PRR14L: variants seen among roughly 807,000 people sequenced by gnomAD.
The protein encoded by PRR14L is proline rich 14 like.
A neutral mutation model predicts 155.0 loss-of-function variants in PRR14L; 80 were observed. The ratio of observed to expected loss-of-function variants is 0.52; its 90% CI spans 0.43 to 0.62. The LOEUF is 0.62. Ranked by LOEUF, PRR14L falls within the 20% of genes least tolerant of loss-of-function variation. The pLI is 0.00. For synonymous variants in PRR14L, 883 were observed against 916.0 expected (o/e 0.96, Z 0.65); for missense variants, 2,469 against 2,548.0 (o/e 0.97, Z 0.67).
chr22:31,713,634 T>C lies in PRR14L; in HGVS notation c.4205A>G (p.Glu1402Gly), dbSNP rs1395696784. 2.4e-5 allele frequency: 38 copies of C among 1,551,966 alleles called. No homozygotes were observed. Among genetic ancestry groups the C allele is most frequent in the Non-Finnish European group, 3.2e-5 (37 of 1,147,060 alleles). The change falls in exon 4 of 9, where the codon GAA becomes GGA. Residue 1402 changes from glutamate (E) to glycine (G), a missense_variant. Coordinates refer to ENST00000327423, the MANE Select transcript of PRR14L (RefSeq NM_173566.3). ...TTTTTGTTGACGTATATATTTCTCT[T>C]CTTTCTGCAACATGTAGTCCAAAAC... ...PEVLDYMLQK[E>G]EKYIRQQKAH...
chr22:31,730,626 C>T (rs1238478711), intron 2 of PRR14L, among the ~76,000 whole-genome samples: 1 of 152,178 alleles, frequency 6.6e-6, no homozygotes, highest in African/African-American at 2.4e-5. Flanking sequence ...TGTGAAGTTA[C>T]TATTCCACCT....
chr22:31,719,413 C>G (rs1215981221), intron 3 of PRR14L, among the ~76,000 whole-genome samples: 1 of 137,686 alleles, frequency 7.3e-6, no homozygotes, highest in South Asian at 2.3e-4. Context: ...GACCTTGTCT[C>G]AAAAAAAAGA....
In PRR14L at chr22:31,703,293, G is replaced by A. The variant is rs540740247; in HGVS notation, c.6000+257C>T. Among the ~76,000 whole-genome samples, 8 of 152,228 alleles carry A rather than the reference G, an allele frequency of 5.3e-5. No homozygotes were observed. In the South Asian group the frequency reaches 1.2e-3, roughly 24 times the overall value. On this transcript the variant is annotated intron_variant, in intron 6 of 8. Transcript: ENST00000327423. ...TTTGAATGCACAAAGCAGCTCTTTCGTCCAATTCTCTAAACACTGTTACAT... is the reference window on the plus strand; with the variant it reads ...TTTGAATGCACAAAGCAGCTCTTTCATCCAATTCTCTAAACACTGTTACAT...
At chr22:31,706,056 C>T (rs1022576655) in intron 4 of PRR14L, among the ~76,000 whole-genome samples, 4 of 150,240 alleles carry the variant, frequency 2.7e-5, no homozygotes, top group South Asian at 2.1e-4. Flanking sequence ...AATGGCCAAT[C>T]GTAGTGACTC....
intron 2 of PRR14L, among the ~76,000 whole-genome samples, chr22:31,733,732 T>C (rs1439394633): frequency 6.6e-6 from 1 of 152,174 alleles, no homozygotes; most frequent in Admixed American, 6.6e-5. Context: ...GAATGTCTGT[T>C]TCCTCATAGC....
chr22:31,728,611 A>G (rs998829297), intron 2 of PRR14L, among the ~76,000 whole-genome samples: 1 of 149,420 alleles, frequency 6.7e-6, no homozygotes, highest in Non-Finnish European at 1.5e-5. Flanking sequence ...TTCATCTCGA[A>G]AAAAAAAAAA....
At chr22:31,690,481 G>C (rs1029340495) in intron 7 of PRR14L, among the ~76,000 whole-genome samples, 4 of 152,040 alleles carry the variant, frequency 2.6e-5, no homozygotes, top group African/African-American at 9.7e-5. Context: ...CACTGTGACT[G>C]GCCTATTTTT....
At chr22:31,726,697 C>T (rs1372861940) in intron 2 of PRR14L, among the ~76,000 whole-genome samples, 7 of 152,144 alleles carry the variant, frequency 4.6e-5, no homozygotes, top group Non-Finnish European at 1.0e-4. Context: ...TTCAAGTTAA[C>T]ACTTCATGGA....
At chr22:31,690,129 C>G (rs766449570) in intron 7 of PRR14L, among the ~76,000 whole-genome samples, 1 of 152,178 alleles carries the variant, frequency 6.6e-6, no homozygotes, top group Admixed American at 6.6e-5. Context: ...ATTGGCCAGA[C>G]TGGTCTCGAA....
intron 7 of PRR14L, 60 bp downstream of exon 7, chr22:31,701,596 T>C: frequency 9.6e-7 from 1 of 1,038,096 alleles, no homozygotes; most frequent in Non-Finnish European, 1.5e-6. Flanking sequence ...AGGGCAATTA[T>C]ATTATGACAA....
intron 2 of PRR14L, among the ~76,000 whole-genome samples, chr22:31,731,029 T>C (rs1469288063): frequency 2.0e-5 from 3 of 152,182 alleles, no homozygotes; most frequent in Admixed American, 1.3e-4. Flanking sequence ...GGCTGCTGTG[T>C]CCTTCTGATA....
Position 31,714,515 on chromosome 22 carries a change from T to C in PRR14L, c.3324A>G (p.Thr1108=). 1 of 1,552,206 alleles carries C rather than the reference T, an allele frequency of 6.4e-7. No individual in the cohort carries two copies. The highest frequency in any genetic ancestry group is 8.7e-7 in the Non-Finnish European group (1 of 1,147,094). ...CTGGGAAATCTGAATCCTGACCAGT[T>C]GTTCCTGTATGTGCAGCATCCAGTT... ...RRELDAAHTG[T]TGQDSDFPVT... is the part of the protein sequence containing the mutation. The change falls in exon 4 of 9, where the codon ACA becomes ACG. Residue 1108 remains threonine (T), a synonymous_variant. Transcript: ENST00000327423.
intron 1 of PRR14L, among the ~76,000 whole-genome samples, chr22:31,739,781 C>T (rs553975371): frequency 8.5e-5 from 13 of 152,320 alleles, no homozygotes; most frequent in East Asian, 1.9e-4. Context: ...ATGGAAGTAA[C>T]AGGTTATTTG....
intron 3 of PRR14L, among the ~76,000 whole-genome samples, chr22:31,723,912 G>C (rs2074703642): frequency 6.6e-6 from 1 of 152,206 alleles, no homozygotes; most frequent in Non-Finnish European, 1.5e-5. Flanking sequence ...GTTAGAAATC[G>C]GGCGGCACAG....
At chr22:31,737,127 C>G (rs1351910495) in intron 2 of PRR14L, among the ~76,000 whole-genome samples, 1 of 151,784 alleles carries the variant, frequency 6.6e-6, no homozygotes, top group Non-Finnish European at 1.5e-5. Flanking sequence ...TTTGCTGACC[C>G]CTGGGTTAGA....
chr22:31,725,599 C>T lies in PRR14L; in HGVS notation c.486G>A (p.Leu162=). The change falls in exon 3 of 9, where the codon CTG becomes CTA. Residue 162 remains leucine, a synonymous_variant. Transcript: ENST00000327423. ...GTGAAAGTTCTTTGCTGGACTGCATCAGGAGATCCTCCTACAGTAAGAAAA... is the reference window on the plus strand; with the variant it reads ...GTGAAAGTTCTTTGCTGGACTGCATTAGGAGATCCTCCTACAGTAAGAAAA... ...EKTSPSQEDL[L]MQSSKELSHV... is the part of the protein sequence containing the mutation. 6.5e-7 allele frequency: 1 copy of T among 1,549,808 alleles called. No homozygotes were observed. The highest frequency in any genetic ancestry group is 8.7e-7 in the Non-Finnish European group (1 of 1,145,308).
intron 4 of PRR14L, among the ~76,000 whole-genome samples, chr22:31,709,539 T>G (rs2074609928): frequency 7.3e-6 from 1 of 137,774 alleles, no homozygotes; most frequent in Non-Finnish European, 1.6e-5. Context: ...TGGGGTTTTT[T>G]TTTTTTTTTT....
At chr22:31,747,442 T>C (rs2074845018) in intron 1 of PRR14L, among the ~76,000 whole-genome samples, 1 of 150,532 alleles carries the variant, frequency 6.6e-6, no homozygotes, top group African/African-American at 2.5e-5. Context: ...TGCTGGTCTC[T>C]TCATCAGGAA....
intron 7 of PRR14L, among the ~76,000 whole-genome samples, chr22:31,691,498 G>C (rs906882294): frequency 6.6e-6 from 1 of 152,108 alleles, no homozygotes; most frequent in African/African-American, 2.4e-5. Flanking sequence ...TGGGATTATA[G>C]GAATGAACCA....
Sources: gnomAD v4.1 joint callset for allele counts (sites outside exome capture counted in the v4.1 genomes callset) on GRCh38, gnomAD v4.1.1 for gene constraint, MANE v1.5 for transcripts, NCBI Gene and HGNC (gene_info 2026-07-23, HGNC 2026-07-21) for gene names.